PPP6R3: variants seen among roughly 807,000 people sequenced by gnomAD.
PPP6R3 encodes protein phosphatase 6 regulatory subunit 3, also known as serine/threonine-protein phosphatase 6 regulatory subunit 3.
A neutral mutation model predicts 110.7 loss-of-function variants in PPP6R3; 38 were observed. That is an observed-to-expected ratio of 0.34 (90% CI 0.26 to 0.45). The LOEUF (loss-of-function observed/expected upper bound fraction) is 0.45. Among genes scored for constraint, PPP6R3 ranks in the 20% least tolerant of loss-of-function variants. The pLI is 1.00. For synonymous variants in PPP6R3, 369 were observed against 373.5 expected, an observed-to-expected ratio of 0.99 and a Z score of 0.14; for missense variants, 870 against 1,062.4, an observed-to-expected ratio of 0.82 and a Z score of 2.52.
At chr11:68,550,580 G>A (rs1452870298) in intron 5 of PPP6R3, among the ~76,000 whole-genome samples, 2 of 152,138 alleles carry the variant, frequency 1.3e-5, no homozygotes. Context: ...GCCAGCACAT[G>A]ACAGGGCGGA....
intron 1 of PPP6R3, among the ~76,000 whole-genome samples, chr11:68,504,687 A>G (rs2153499767): frequency 6.6e-6 from 1 of 152,326 alleles, no homozygotes; most frequent in East Asian, 1.9e-4. Flanking sequence ...TGGGGATTCT[A>G]CTATAGCTGT....
intron 1 of PPP6R3, among the ~76,000 whole-genome samples, chr11:68,490,974 T>C (rs2098980378): frequency 6.6e-6 from 1 of 152,102 alleles, no homozygotes. Context: ...GTTGCTTGAC[T>C]CAGGAATTTG....
At chr11:68,466,860 G>A (rs563048231) in intron 1 of PPP6R3, among the ~76,000 whole-genome samples, 10 of 152,020 alleles carry the variant, frequency 6.6e-5, no homozygotes, top group Middle Eastern at 3.4e-3. Flanking sequence ...TGATCCGCCC[G>A]CCTTGGCCTC....
intron 2 of PPP6R3, among the ~76,000 whole-genome samples, chr11:68,536,292 TTTG>T: frequency 6.6e-6 from 1 of 152,228 alleles, no homozygotes; most frequent in Admixed American, 6.5e-5. Flanking sequence ...TTCTTTGTTT[TTTG>T]TTTTTTTGTG....
chr11:68,479,922 T>G (rs933377370), intron 1 of PPP6R3, among the ~76,000 whole-genome samples: 1 of 152,034 alleles, frequency 6.6e-6, no homozygotes, highest in African/African-American at 2.4e-5. Flanking sequence ...TATTTTTTTA[T>G]GAACAGGGTT....
Position 68,590,652 on chromosome 11 carries a change from T to C in PPP6R3, c.1731-8T>C. 1 of 1,578,344 alleles carries C rather than the reference T, an allele frequency of 6.3e-7. No homozygotes were observed. The highest frequency in any genetic ancestry group is 1.2e-5 in the South Asian group (1 of 86,196). Reference sequence around the variant, plus strand: ...TGCTTCCTACACTTTTATTTTGTTTTTTTACAGTGTTTCTTTTGATCGAGT... The same window carrying C: ...TGCTTCCTACACTTTTATTTTGTTTCTTTACAGTGTTTCTTTTGATCGAGT... On this transcript the variant is annotated splice_region_variant and splice_polypyrimidine_tract_variant and intron_variant, in intron 16 of 23. Transcript: ENST00000393800.
chr11:68,588,258 G>C (rs571294459), intron 16 of PPP6R3, among the ~76,000 whole-genome samples: 95 of 152,178 alleles, frequency 6.2e-4, no homozygotes, highest in African/African-American at 2.0e-3. Flanking sequence ...CAGCACTTTG[G>C]GGGGCTGAGG....
At chr11:68,549,911 G>A (rs1333667466) in intron 5 of PPP6R3, among the ~76,000 whole-genome samples, 2 of 152,178 alleles carry the variant, frequency 1.3e-5, no homozygotes, top group Non-Finnish European at 2.9e-5. Flanking sequence ...GAATGTAGGT[G>A]CCTGTGAATA....
chr11:68,577,792 T>G (rs959694033), intron 14 of PPP6R3, among the ~76,000 whole-genome samples: 1 of 152,200 alleles, frequency 6.6e-6, no homozygotes, highest in African/African-American at 2.4e-5. Flanking sequence ...GGGCTCCATC[T>G]GTCACTCAGA....
At chr11:68,494,037 A>G (rs1159418056) in intron 1 of PPP6R3, among the ~76,000 whole-genome samples, 1 of 148,922 alleles carries the variant, frequency 6.7e-6, no homozygotes, top group Non-Finnish European at 1.5e-5. Context: ...CGGGAGGAGG[A>G]GCTTGCAGTG....
intron 14 of PPP6R3, 66 bp from the exon 15 acceptor site, chr11:68,582,977 A>G (rs2099567365): frequency 9.0e-7 from 1 of 1,114,076 alleles, no homozygotes; most frequent in Non-Finnish European, 1.3e-6. Flanking sequence ...TTTTCCATAA[A>G]AATGCTGATA....
At chr11:68,586,191 TA>T (rs1455156650) in intron 15 of PPP6R3, 4 of 152,220 alleles carry the variant, frequency 2.6e-5, no homozygotes, top group Non-Finnish European at 4.4e-5. Context: ...GATCTGTAGA[TA>T]AACTCAGAGC....
intron 22 of PPP6R3, among the ~76,000 whole-genome samples, chr11:68,608,918 T>C (rs569954238): frequency 1.3e-5 from 2 of 152,280 alleles, no homozygotes; most frequent in South Asian, 4.1e-4. Context: ...AACCAGGTAA[T>C]TCAGATGATC....
At position 68,529,687 on chromosome 11, in the gene PPP6R3, C is replaced by T. The variant is rs544108853; in HGVS notation, c.-6-7972C>T. On this transcript the variant is annotated intron_variant, in intron 2 of 23. Transcript: ENST00000393800. ...GTATTAGAGGCTACAAAACAGTTCTCGTTTTCTTGTGATCTACTTTTTTGA... is the reference window on the plus strand; with the variant it reads ...GTATTAGAGGCTACAAAACAGTTCTTGTTTTCTTGTGATCTACTTTTTTGA... Among the ~76,000 whole-genome samples, 124 of 152,182 alleles carry T rather than the reference C, an allele frequency of 8.1e-4. 1 individual carries two copies. The highest frequency in any genetic ancestry group is 1.4e-3 in the Non-Finnish European group (93 of 68,032).
At chr11:68,602,034 T>C in intron 21 of PPP6R3, 65 bp downstream of exon 21, 2 of 1,325,180 alleles carry the variant, frequency 1.5e-6, no homozygotes, top group Middle Eastern at 2.5e-4. Flanking sequence ...CCAGACCTGA[T>C]TCTCAGGCTC....
intron 21 of PPP6R3, 131 bp from the exon 22 acceptor site, chr11:68,603,211 G>A (rs1014892690): frequency 1.6e-5 from 19 of 1,197,224 alleles, no homozygotes; most frequent in Admixed American, 2.3e-5. Context: ...ACAACAGCAG[G>A]CAGAAGCCAT....
At chr11:68,515,603 G>A (rs551930866) in intron 1 of PPP6R3, among the ~76,000 whole-genome samples, 49 of 152,300 alleles carry the variant, frequency 3.2e-4, no homozygotes, top group African/African-American at 1.1e-3. Flanking sequence ...TTCAGCATTC[G>A]GGATTGTGGC....
At chr11:68,509,639 G>A (rs1021286034) in intron 1 of PPP6R3, among the ~76,000 whole-genome samples, 1 of 151,318 alleles carries the variant, frequency 6.6e-6, no homozygotes, top group Admixed American at 6.6e-5. Context: ...GAGACAGGGT[G>A]TCACTCCTAT....
chr11:68,536,764 A>G (rs190362297), intron 2 of PPP6R3, among the ~76,000 whole-genome samples: 9 of 152,332 alleles, frequency 5.9e-5, no homozygotes, highest in African/African-American at 2.2e-4. Flanking sequence ...ACAGAGAGTC[A>G]GTATGTATTA....
Sources: gnomAD v4.1 joint callset for allele counts (sites outside exome capture counted in the v4.1 genomes callset) on GRCh38, gnomAD v4.1.1 for gene constraint, MANE v1.5 for transcripts, NCBI Gene and HGNC (gene_info 2026-07-23, HGNC 2026-07-21) for gene names.